Variants in MECOM observed in about 807,000 individuals in gnomAD.
MECOM encodes the protein MDS1 and EVI1 complex locus.
A neutral mutation model predicts 116.3 loss-of-function variants in MECOM; 13 were observed. That is an observed-to-expected ratio of 0.11 (90% CI 0.07 to 0.18). MECOM has a LOEUF of 0.18. MECOM is among the 10% of genes least tolerant of loss of function. The pLI is 1.00. For missense variants in MECOM, 1,299 were observed against 1,509.0 expected, an observed-to-expected ratio of 0.86 and a Z score of 2.31; for synonymous variants, 528 against 535.2, an observed-to-expected ratio of 0.99 and a Z score of 0.19.
Position 169,205,585 on chromosome 3 carries a change from T to C in MECOM, c.376-61753A>G, listed in dbSNP as rs1170956138. On this transcript the variant is annotated intron_variant, in intron 2 of 16. Transcript: ENST00000651503. ...TTATTTAAATTCTTGAGACGTCAAC[T>C]CTAGGATGGGTCAGAATAGAAAGAG... is the stretch of plus-strand genomic sequence containing the variant. Among the ~76,000 whole-genome samples, 5 of 152,238 alleles carry C rather than the reference T, an allele frequency of 3.3e-5. 1 individual carries two copies. In the East Asian group the frequency reaches 5.8e-4, roughly 18 times the overall value.
intron 2 of MECOM, among the ~76,000 whole-genome samples, chr3:169,265,009 A>G (rs1758084421): frequency 1.3e-5 from 2 of 152,036 alleles, no homozygotes; most frequent in South Asian, 4.2e-4. Flanking sequence ...ACCAACTAAG[A>G]TCTTCTTAAG....
At chr3:169,259,391 C>T (rs377110160) in intron 2 of MECOM, among the ~76,000 whole-genome samples, 21 of 152,264 alleles carry the variant, frequency 1.4e-4, no homozygotes, top group South Asian at 8.3e-4. Context: ...GCTATGCTTA[C>T]GCTTCTGGAT....
intron 1 of MECOM, among the ~76,000 whole-genome samples, chr3:169,490,238 G>T (rs28491923): frequency 0.15 from 22,468 of 152,084 alleles, 1,939 homozygotes; most frequent in African/African-American, 0.23. Context: ...AATAGAAATT[G>T]AATCACTCTT....
chr3:169,179,619 C>T (rs1454604282), intron 2 of MECOM, among the ~76,000 whole-genome samples: 1 of 152,104 alleles, frequency 6.6e-6, no homozygotes, highest in Non-Finnish European at 1.5e-5. Flanking sequence ...AATATCATGC[C>T]ACTAAAAGTT....
At chr3:169,616,030 C>G (rs1196040474) in intron 1 of MECOM, among the ~76,000 whole-genome samples, 1 of 152,208 alleles carries the variant, frequency 6.6e-6, no homozygotes, top group Non-Finnish European at 1.5e-5. Flanking sequence ...AGCCAGCCAG[C>G]CCTTGAAACT....
chr3:169,561,780 T>C (rs1306941590), intron 1 of MECOM, among the ~76,000 whole-genome samples: 10 of 152,170 alleles, frequency 6.6e-5, no homozygotes. Context: ...TGAATGCGTA[T>C]TTGCAGATAC....
In MECOM at chr3:169,090,030, A is replaced by G. The variant is rs1182758218; in HGVS notation, c.3371T>C (p.Leu1124Pro). 1.9e-6 allele frequency: 3 copies of G among 1,613,434 alleles called. No individual in the cohort carries two copies. Among genetic ancestry groups the G allele is most frequent in the East Asian group, 2.2e-5 (1 of 44,858 alleles). ...TGGGGATGTCTTGCAACTCATCTCC[A>G]GGGCACTGGTTTCTTCATAGTCATC... ...PEDDYEETSA[L>P]EMSCKTSPVR... The change falls in exon 15 of 17, where the codon CTG (leucine) becomes CCG (proline). Residue 1124 changes from leucine to proline, a missense_variant. Physicochemically the swap from Leu to Pro is moderately conservative, Grantham distance 98. Around this residue, in one of 6 missense-constraint regions of MECOM, gnomAD observed 273 missense variants for 289.3 expected, o/e 0.94. Coordinates refer to ENST00000651503, the MANE Select transcript of MECOM (RefSeq NM_004991.4).
intron 1 of MECOM, among the ~76,000 whole-genome samples, chr3:169,656,670 T>C (rs1775580868): frequency 1.3e-5 from 2 of 152,238 alleles, no homozygotes; most frequent in South Asian, 4.1e-4. Flanking sequence ...TTGATGGTAT[T>C]TTTGTCTTGG....
intron 2 of MECOM, among the ~76,000 whole-genome samples, chr3:169,244,062 G>A (rs934511468): frequency 2.0e-5 from 3 of 152,136 alleles, no homozygotes; most frequent in African/African-American, 7.2e-5. Flanking sequence ...GACCAGACCT[G>A]CCCGTGAAAT....
At chr3:169,329,521 C>T (rs1463922400) in intron 2 of MECOM, among the ~76,000 whole-genome samples, 3 of 152,124 alleles carry the variant, frequency 2.0e-5, no homozygotes, top group African/African-American at 7.2e-5. Flanking sequence ...GGCACTAAGA[C>T]GTGCCCTTAA....
intron 1 of MECOM, chr3:169,483,955 C>T: frequency 6.2e-7 from 1 of 1,605,384 alleles, no homozygotes; most frequent in East Asian, 2.2e-5. Flanking sequence ...TTGGCAGCAT[C>T]CATGATTCTA....
At chr3:169,605,342 C>T (rs1196287998) in intron 1 of MECOM, among the ~76,000 whole-genome samples, 1 of 152,120 alleles carries the variant, frequency 6.6e-6, no homozygotes, top group Non-Finnish European at 1.5e-5. Flanking sequence ...AGGAAAACTA[C>T]ACAAAGGAAA....
intron 1 of MECOM, among the ~76,000 whole-genome samples, chr3:169,648,237 A>G (rs893622250): frequency 1.2e-4 from 18 of 152,240 alleles, no homozygotes; most frequent in Admixed American, 2.0e-4. Context: ...TGTATTAGGT[A>G]TCAGAGTATT....
intron 2 of MECOM, among the ~76,000 whole-genome samples, chr3:169,365,632 T>C (rs900064196): frequency 1.3e-4 from 20 of 152,162 alleles, no homozygotes; most frequent in African/African-American, 4.6e-4. Context: ...ATCAAGCTTC[T>C]GTATTTCTAT....
At chr3:169,431,250 C>T (rs1426714402) in intron 1 of MECOM, among the ~76,000 whole-genome samples, 1 of 152,144 alleles carries the variant, frequency 6.6e-6, no homozygotes, top group Non-Finnish European at 1.5e-5. Context: ...TGTGGCCTTT[C>T]TTCAAGTGGG....
chr3:169,458,829 T>G (rs1274263778), intron 1 of MECOM, among the ~76,000 whole-genome samples: 16 of 152,170 alleles, frequency 1.1e-4, no homozygotes, highest in Admixed American at 1.0e-3. Flanking sequence ...AGCAGGGCGA[T>G]TAGGAAGTAA....
intron 1 of MECOM, among the ~76,000 whole-genome samples, chr3:169,554,866 C>T (rs1160769247): frequency 1.3e-5 from 2 of 152,166 alleles, no homozygotes; most frequent in African/African-American, 2.4e-5. Flanking sequence ...CACCAGTCTT[C>T]GCTGCAGTGA....
intron 1 of MECOM, chr3:169,483,756 C>T (rs1309300913): frequency 1.3e-5 from 21 of 1,607,802 alleles, no homozygotes; most frequent in African/African-American, 1.1e-4. Context: ...AGCAACTACG[C>T]GCAACCAGTC....
intron 2 of MECOM, among the ~76,000 whole-genome samples, chr3:169,376,957 T>C (rs1349067118): frequency 6.6e-6 from 1 of 152,188 alleles, no homozygotes; most frequent in East Asian, 1.9e-4. Flanking sequence ...CAAAACAGCA[T>C]GGTACTGGTG....
Sources: allele counts gnomAD v4.1 joint callset (sites outside exome capture counted in the v4.1 genomes callset), GRCh38; gene constraint gnomAD v4.1.1; regional missense constraint gnomAD v4.1.1; transcripts MANE v1.5; gene names NCBI Gene and HGNC (gene_info 2026-07-23, HGNC 2026-07-21).